The following CLNK variants were observed in gnomAD, a reference collection of about 807,000 sequenced individuals.
The protein encoded by CLNK is cytokine-dependent hematopoietic cell linker.
A neutral mutation model predicts 68.6 loss-of-function variants in CLNK; 74 were observed. The ratio of observed to expected loss-of-function variants is 1.08; its 90% CI spans 0.89 to 1.31. The LOEUF is 1.31. Among genes scored for constraint, CLNK ranks in the 50% most tolerant of loss-of-function variants. The pLI, the probability that CLNK is intolerant of heterozygous loss-of-function variation, is 0.00. For synonymous variants in CLNK, 198 were observed against 172.2 expected, an observed-to-expected ratio of 1.15 and a Z score of -1.17; for missense variants, 553 against 515.3, an observed-to-expected ratio of 1.07 and a Z score of -0.71.
intron 4 of CLNK, among the ~76,000 whole-genome samples, chr4:10,577,487 C>G (rs1469168900): frequency 2.0e-5 from 3 of 152,292 alleles, no homozygotes; most frequent in East Asian, 1.9e-4. Context: ...TACATGTCTT[C>G]CTTGTAGCTA....
Position 10,489,040 on chromosome 4 carries a change from A to G in CLNK, c.*1427T>C, listed in dbSNP as rs1355678405. The G allele has an allele frequency of 7.4e-6, 1 of 134,896 alleles. No homozygotes were observed. Among genetic ancestry groups the G allele is most frequent in the African/African-American group, 2.6e-5 (1 of 37,742 alleles). 8.4% of individuals were successfully genotyped at this position (134,896 alleles called of 1,614,324 possible). ...TAAGGTGGTAAATCTGTATTTTCAA[A>G]TTGTTTCTATCTTTCTCTCTCTCTC... On this transcript the variant is annotated 3_prime_UTR_variant, in exon 19 of 19. Coordinates refer to ENST00000226951, the MANE Select transcript of CLNK (RefSeq NM_052964.4).
intron 4 of CLNK, among the ~76,000 whole-genome samples, chr4:10,581,533 A>G (rs543999666): frequency 6.6e-6 from 1 of 152,346 alleles, no homozygotes; most frequent in African/African-American, 2.4e-5. Flanking sequence ...GGGTTGAAGA[A>G]CAGGCATAAT....
At chr4:10,718,995 G>A in the CLNK span, among the ~76,000 whole-genome samples, 29 of 152,116 alleles carry the variant, frequency 1.9e-4, no homozygotes, top group African/African-American at 7.0e-4. Context: ...AATGTATAAT[G>A]CTAATACCTA....
At chr4:10,697,753 T>C in the CLNK span, 6 of 152,216 alleles carry the variant, frequency 3.9e-5, no homozygotes, top group African/African-American at 1.2e-4. Flanking sequence ...CAAACCTAAA[T>C]TGGCTCTTCA....
chr4:10,700,997 G>A, the CLNK span, among the ~76,000 whole-genome samples: 1 of 152,122 alleles, frequency 6.6e-6, no homozygotes, highest in African/African-American at 2.4e-5. Context: ...GGAAAATCGT[G>A]ATCACCGTCT....
chr4:10,638,392 T>C (rs1053117115), intron 2 of CLNK, among the ~76,000 whole-genome samples: 5 of 152,230 alleles, frequency 3.3e-5, no homozygotes, highest in East Asian at 1.9e-4. Flanking sequence ...CTTAGGAAAA[T>C]TGGGCAATAT....
chr4:10,699,343 T>TATAC, the CLNK span, among the ~76,000 whole-genome samples: 1 of 29,928 alleles, frequency 3.3e-5, no homozygotes, highest in South Asian at 1.1e-3. Flanking sequence ...CGTGTGTGTA[T>TATAC]ACACACACAC....
At chr4:10,547,711 T>C (rs1233662599) in intron 8 of CLNK, among the ~76,000 whole-genome samples, 1 of 152,152 alleles carries the variant, frequency 6.6e-6, no homozygotes, top group South Asian at 2.1e-4. Context: ...TTGACTGTGT[T>C]AGGTTCCACA....
intron 2 of CLNK, among the ~76,000 whole-genome samples, chr4:10,642,803 A>G (rs1429405567): frequency 6.6e-6 from 1 of 152,168 alleles, no homozygotes; most frequent in African/African-American, 2.4e-5. Context: ...AATGGTAATA[A>G]TTATGTTTGC....
intron 5 of CLNK, among the ~76,000 whole-genome samples, chr4:10,569,375 C>G (rs189108193): frequency 6.6e-6 from 1 of 151,432 alleles, no homozygotes; most frequent in Non-Finnish European, 1.5e-5. Flanking sequence ...TCTCTCTCCC[C>G]ACCCGTCCCC....
chr4:10,721,466 G>C, the CLNK span, among the ~76,000 whole-genome samples: 2 of 152,142 alleles, frequency 1.3e-5, no homozygotes, highest in Non-Finnish European at 2.9e-5. Flanking sequence ...CCAAGAATAT[G>C]GGCTACTTCT....
intron 2 of CLNK, among the ~76,000 whole-genome samples, chr4:10,613,911 C>T (rs1355234219): frequency 6.6e-6 from 1 of 152,218 alleles, no homozygotes; most frequent in African/African-American, 2.4e-5. Context: ...TAGGTTCTGT[C>T]TCACCTGGAG....
intron 14 of CLNK, among the ~76,000 whole-genome samples, chr4:10,525,293 C>G (rs956601178): frequency 3.3e-5 from 5 of 152,170 alleles, no homozygotes; most frequent in African/African-American, 1.2e-4. Context: ...TCTCGATCTC[C>G]TGACCTCATG....
At chr4:10,661,356 C>T (rs1724185645) in intron 2 of CLNK, among the ~76,000 whole-genome samples, 2 of 152,170 alleles carry the variant, frequency 1.3e-5, no homozygotes, top group East Asian at 3.8e-4. Context: ...AGAAAATATG[C>T]CTCTAATGGG....
intron 3 of CLNK, among the ~76,000 whole-genome samples, chr4:10,596,874 A>C (rs187399598): frequency 1.3e-5 from 2 of 152,230 alleles, no homozygotes; most frequent in East Asian, 3.9e-4. Context: ...AATTGCTTCA[A>C]CCCTCTCCAT....
intron 14 of CLNK, among the ~76,000 whole-genome samples, chr4:10,522,778 G>T (rs1336830643): frequency 6.6e-6 from 1 of 152,282 alleles, no homozygotes; most frequent in South Asian, 2.1e-4. Flanking sequence ...TATGGTAAAG[G>T]TGTGCACAGC....
intron 2 of CLNK, among the ~76,000 whole-genome samples, chr4:10,654,840 T>C (rs188258057): frequency 3.9e-5 from 6 of 152,134 alleles, no homozygotes; most frequent in East Asian, 3.9e-4. Context: ...TGGTGGCTCA[T>C]GCCTGTAATC....
In CLNK at chr4:10,535,499, A is replaced by C. The variant is rs368340321; in HGVS notation, c.603-3216T>G. 1.5e-3 allele frequency among the ~76,000 whole-genome samples: 234 copies of C among 152,342 alleles called. 4 individuals are homozygous for C. The highest frequency in any genetic ancestry group is 6.8e-3 in the Middle Eastern group (2 of 294). On this transcript the variant is annotated intron_variant, in intron 11 of 18. Transcript: ENST00000226951. ...AATGAATTAATACATATAAGATCCC[A>C]AACCGGGCCTGGTGTGTAGTTACGA...
chr4:10,532,398 A>G (rs1349130914), intron 11 of CLNK, 115 bp from the exon 12 acceptor site: 19 of 788,474 alleles, frequency 2.4e-5, no homozygotes, highest in South Asian at 1.5e-5. Context: ...TTAACAGCCC[A>G]TAGTCCAGTG....
Sources: allele counts gnomAD v4.1 joint callset (sites outside exome capture counted in the v4.1 genomes callset), GRCh38; gene constraint gnomAD v4.1.1; transcripts MANE v1.5; gene names NCBI Gene and HGNC (gene_info 2026-07-23, HGNC 2026-07-21).